ADARB1: variants seen among roughly 807,000 people sequenced by gnomAD.
ADARB1 encodes double-stranded RNA-specific editase 1.
A neutral mutation model predicts 52.4 loss-of-function variants in ADARB1; 10 were observed. That is an observed-to-expected ratio of 0.19 (90% CI 0.12 to 0.32). ADARB1 has a LOEUF of 0.32. ADARB1 is among the 10% of genes least tolerant of loss of function. The pLI is 1.00. For synonymous variants in ADARB1, 349 were observed against 371.1 expected, an observed-to-expected ratio of 0.94 and a Z score of 0.68; for missense variants, 643 against 922.3, an observed-to-expected ratio of 0.70 and a Z score of 3.92.
rs1331877178 is a variant in ADARB1 at position 45,176,308 on chromosome 21, A to G, written c.607A>G (p.Ser203Gly). Residue 203 changes from serine (S) to glycine (G), a missense_variant, in exon 4 of 11, where the codon AGC (serine) becomes GGC (glycine). By Grantham distance (56) the Ser-to-Gly change is moderately conservative. Coordinates refer to ENST00000348831, the MANE Select transcript of ADARB1 (RefSeq NM_001112.4). The surrounding 1 kb of genome is among the most constrained non-coding windows in gnomAD (Gnocchi z 5.8). ...GSNGDDSFSS[S>G]GDLSLSASPV... is the part of the protein sequence containing the mutation. Reference sequence around the variant, plus strand: ...CAATGGGGATGACTCCTTCAGTTCCAGCGGGGACCTCAGCTTGTCTGCTTC... The same window carrying G: ...CAATGGGGATGACTCCTTCAGTTCCGGCGGGGACCTCAGCTTGTCTGCTTC... 6.2e-7 allele frequency: 1 copy of G among 1,614,152 alleles called. No individual in the cohort carries two copies. The highest frequency in any genetic ancestry group is 8.5e-7 in the Non-Finnish European group (1 of 1,179,984).
intron 9 of ADARB1, among the ~76,000 whole-genome samples, chr21:45,213,757 G>T (rs900463880): frequency 6.1e-5 from 9 of 147,580 alleles, no homozygotes; most frequent in African/African-American, 2.2e-4. Context: ...AAGTAGCATT[G>T]CACTGGGTGG....
chr21:45,085,504 C>A (rs934332155), intron 1 of ADARB1, among the ~76,000 whole-genome samples: 2 of 152,204 alleles, frequency 1.3e-5, no homozygotes, highest in Admixed American at 6.5e-5. Context: ...CTCTTTACGT[C>A]TACTCCATTC....
At chr21:45,197,456 C>T (rs906485180) in intron 8 of ADARB1, among the ~76,000 whole-genome samples, 6 of 150,876 alleles carry the variant, frequency 4.0e-5, no homozygotes, top group Admixed American at 1.3e-4. Flanking sequence ...GCTGAGATCA[C>T]GCCACTGCGC....
Position 45,157,263 on chromosome 21 carries a change from C to T in ADARB1, c.-47-14347C>T, listed in dbSNP as rs2090708566. On this transcript the variant is annotated intron_variant, in intron 2 of 10. Transcript: ENST00000348831. This position sits in a 1 kb window ranked among gnomAD's most constrained non-coding sequence, Gnocchi z 4.1. ...ATTTGTGAAATTGCACTTGAAATAC[C>T]ATGGAAATTGGATCCAAAGCAGATT... Among the ~76,000 whole-genome samples the T allele has an allele frequency of 6.6e-6, 1 of 152,204 alleles. No homozygotes were observed. The highest frequency in any genetic ancestry group is 2.4e-5 in the African/African-American group (1 of 41,448).
chr21:45,220,890 A>G lies in ADARB1; in HGVS notation c.1802A>G (p.Asn601Ser). The stretch of plus-strand genomic sequence containing the variant: ...GGGAAGGCCCCCAACTTCAGTGTCA[A>G]CTGGACGGTAGGCGACTCCGCTATT... ...QPGKAPNFSV[N>S]WTVGDSAIEV... Residue 601 changes from asparagine to serine, a missense_variant, in exon 10 of 11, where the codon AAC (asparagine) becomes AGC (serine). This residue lies in a region of ADARB1 where 263 missense variants were observed against 475.8 expected (regional missense o/e 0.55). Transcript: ENST00000348831. This position sits in a 1 kb window ranked among gnomAD's most constrained non-coding sequence, Gnocchi z 6.3. 1.2e-6 allele frequency: 2 copies of G among 1,613,472 alleles called. No homozygotes were observed. The highest frequency in any genetic ancestry group is 1.1e-5 in the South Asian group (1 of 91,082).
At chr21:45,201,866 C>G (rs1274068122) in intron 8 of ADARB1, among the ~76,000 whole-genome samples, 1 of 152,064 alleles carries the variant, frequency 6.6e-6, no homozygotes, top group Non-Finnish European at 1.5e-5. Context: ...AGGCCTCCCT[C>G]AGAACGGCTT....
intron 1 of ADARB1, among the ~76,000 whole-genome samples, chr21:45,113,644 G>A (rs2087670493): frequency 1.3e-5 from 2 of 152,104 alleles, no homozygotes; most frequent in African/African-American, 2.4e-5. Flanking sequence ...ACAGCCACTA[G>A]GAAGCTGCCC....
At chr21:45,182,539 A>T in intron 5 of ADARB1, 46 bp from the exon 6 acceptor site, 1 of 1,561,900 alleles carries the variant, frequency 6.4e-7, no homozygotes, top group Non-Finnish European at 8.6e-7. Context: ...TTAGGCAAAC[A>T]TTACTGTGAA....
At chr21:45,184,899 G>T in intron 7 of ADARB1, 24 bp from the exon 8 acceptor site, 1 of 1,592,252 alleles carries the variant, frequency 6.3e-7, no homozygotes, top group Non-Finnish European at 8.6e-7. Context: ...TACCTGTGGG[G>T]TTTTAACTCT....
chr21:45,109,268 CTGCGCGCG>C (rs757788260), intron 1 of ADARB1, among the ~76,000 whole-genome samples: 57 of 147,468 alleles, frequency 3.9e-4, no homozygotes, highest in Admixed American at 1.6e-3. Flanking sequence ...TGTGTGTGCA[CTGCGCGCG>C]TGTGCGCGCT....
At chr21:45,178,878 G>C (rs546987803) in intron 4 of ADARB1, among the ~76,000 whole-genome samples, 11 of 152,262 alleles carry the variant, frequency 7.2e-5, no homozygotes, top group Admixed American at 6.5e-4. Flanking sequence ...TCAGATGTCT[G>C]CGTTAACAAG....
rs1390154105 is a variant in ADARB1 at position 45,157,499 on chromosome 21, G to A, written c.-47-14111G>A. Reference sequence around the variant, plus strand: ...ACTGTGAAGGACGGAGCAACTTCACGAAGGCAGGGCCCTGTGAAGGTTTGT... The same window carrying A: ...ACTGTGAAGGACGGAGCAACTTCACAAAGGCAGGGCCCTGTGAAGGTTTGT... On this transcript the variant is annotated intron_variant, in intron 2 of 10. Coordinates refer to ENST00000348831, the MANE Select transcript of ADARB1 (RefSeq NM_001112.4). The surrounding 1 kb of genome is among the most constrained non-coding windows in gnomAD (Gnocchi z 4.1). Among the ~76,000 whole-genome samples, 1 of 152,090 alleles carries A rather than the reference G, an allele frequency of 6.6e-6. No homozygotes were observed. Among genetic ancestry groups the A allele is most frequent in the African/African-American group, 2.4e-5 (1 of 41,406 alleles).
intron 1 of ADARB1, among the ~76,000 whole-genome samples, chr21:45,102,169 G>C (rs2087048664): frequency 6.6e-6 from 1 of 152,216 alleles, no homozygotes; most frequent in Admixed American, 6.5e-5. Context: ...TGGGATTACA[G>C]ATGTGAGCCA....
chr21:45,199,899 C>T (rs1224280457), intron 8 of ADARB1, among the ~76,000 whole-genome samples: 1 of 152,110 alleles, frequency 6.6e-6, no homozygotes, highest in South Asian at 2.1e-4. Context: ...ATGCAGGAGT[C>T]GGGGCTCATG....
intron 2 of ADARB1, among the ~76,000 whole-genome samples, chr21:45,166,675 C>T (rs2091265924): frequency 1.3e-5 from 2 of 152,136 alleles, no homozygotes; most frequent in Admixed American, 6.5e-5. Context: ...ATCCTTTTCA[C>T]GTAAATGTTA....
intron 1 of ADARB1, among the ~76,000 whole-genome samples, chr21:45,090,851 C>T (rs1199789531): frequency 6.6e-6 from 1 of 152,182 alleles, no homozygotes; most frequent in African/African-American, 2.4e-5. Context: ...CAAGAACTGC[C>T]TTGGCCACCT....
chr21:45,223,838 C>T lies in ADARB1; in HGVS notation c.*1641C>T. The T allele has an allele frequency of 1.0e-6, 1 of 985,404 alleles. No homozygotes were observed. Among genetic ancestry groups the T allele is most frequent in the South Asian group, 4.7e-5 (1 of 21,276 alleles). The allele number at this position is 985,404 out of a possible 1,614,324, so 61.0% of individuals were successfully genotyped here. A position where few individuals can be genotyped will look rare whatever the true frequency, so the allele number is the denominator to read the frequency against. On this transcript the variant is annotated 3_prime_UTR_variant, in exon 11 of 11. Transcript: ENST00000348831. ...TGTGTCCACACAGATCTCGTCGCAGCACGGCAGGAAGGGGTGCTGCTTAGG... is the reference window on the plus strand; with the variant it reads ...TGTGTCCACACAGATCTCGTCGCAGTACGGCAGGAAGGGGTGCTGCTTAGG...
intron 8 of ADARB1, among the ~76,000 whole-genome samples, chr21:45,186,533 C>CA (rs1181019326): frequency 2.0e-5 from 3 of 152,234 alleles, no homozygotes; most frequent in African/African-American, 7.2e-5. Flanking sequence ...ACCAATAGTG[C>CA]ATTAAGTTAG....
chr21:45,175,019 C>T (rs1387909378), intron 3 of ADARB1, among the ~76,000 whole-genome samples: 1 of 152,018 alleles, frequency 6.6e-6, no homozygotes, highest in African/African-American at 2.4e-5. Flanking sequence ...TTAGTCAGCC[C>T]CCATATATAA....
Sources: allele counts gnomAD v4.1 joint callset (sites outside exome capture counted in the v4.1 genomes callset), GRCh38; gene constraint gnomAD v4.1.1; regional missense constraint gnomAD v4.1.1; non-coding constraint Gnocchi (gnomAD v3.1); transcripts MANE v1.5; gene names NCBI Gene and HGNC (gene_info 2026-07-23, HGNC 2026-07-21).